Variants in NUPR2 observed in about 807,000 individuals in gnomAD.
The protein encoded by NUPR2 is nuclear protein 2.
Under a neutral mutation model 7.3 loss-of-function variants are expected in NUPR2, and 14 were observed. That is an observed-to-expected ratio of 1.93 (90% confidence interval 1.27 to 3.01). NUPR2 has a LOEUF of 3.01. Ranked by LOEUF, NUPR2 falls within the 30% of genes most tolerant of loss-of-function variation. NUPR2 has a pLI of 0.00. For missense variants in NUPR2, 162 were observed against 143.7 expected, an observed-to-expected ratio of 1.13 and a Z score of -0.65; for synonymous variants, 56 against 59.7, an observed-to-expected ratio of 0.94 and a Z score of 0.29.
intron 1 of NUPR2, among the ~76,000 whole-genome samples, chr7:56,115,429 T>TACATATATA (rs1554376538): frequency 9.7e-5 from 3 of 31,000 alleles, no homozygotes; most frequent in African/African-American, 2.9e-4. Context: ...ATATATATAT[T>TACATATATA]TGTGTGTGTG....
chr7:56,115,399 A>ATATATATATATATACATATGTG, intron 1 of NUPR2, among the ~76,000 whole-genome samples: 2 of 20,002 alleles, frequency 1.0e-4, no homozygotes, highest in Non-Finnish European at 1.6e-4. Flanking sequence ...GATCGCATAT[A>ATATATATATATATACATATGTG]TATATATATA....
intron 1 of NUPR2, among the ~76,000 whole-genome samples, chr7:56,115,435 G>GTATATATATATACATA (rs1306832660): frequency 3.1e-5 from 1 of 32,230 alleles, no homozygotes; most frequent in African/African-American, 1.6e-4. Flanking sequence ...ATATTTGTGT[G>GTATATATATATACATA]TGTGTGTGTG....
At chr7:56,115,434 TG>T (rs1785530534) in intron 1 of NUPR2, among the ~76,000 whole-genome samples, 4 of 31,810 alleles carry the variant, frequency 1.3e-4, no homozygotes, top group Non-Finnish European at 1.7e-4. Flanking sequence ...TATATTTGTG[TG>T]TGTGTGTGTG....
intron 1 of NUPR2, among the ~76,000 whole-genome samples, chr7:56,115,752 G>C (rs928417806): frequency 5.3e-5 from 8 of 150,848 alleles, no homozygotes; most frequent in Non-Finnish European, 8.8e-5. Context: ...TTACAGGTGT[G>C]AGCCACTGCA....
intron 1 of NUPR2, among the ~76,000 whole-genome samples, chr7:56,115,125 G>A (rs879444657): frequency 1.3e-5 from 2 of 151,838 alleles, no homozygotes; most frequent in Non-Finnish European, 2.9e-5. Flanking sequence ...TTATAGCGAC[G>A]TGGTTTCACC....
intron 1 of NUPR2, among the ~76,000 whole-genome samples, chr7:56,115,325 C>T (rs1176211616): frequency 6.9e-6 from 1 of 145,134 alleles, no homozygotes; most frequent in Non-Finnish European, 1.5e-5. Flanking sequence ...CCCTCTGTCA[C>T]CCAGGCTGGA....
In NUPR2 at chr7:56,115,417, A is replaced by ACACATATG. The variant is rs1562891787; in HGVS notation, c.*7-521_*7-520insCATATGTG. ...CGCATATATATATATATATATATAT[A>ACACATATG]TATATATATATTTGTGTGTGTGTGT... On this transcript the variant is annotated intron_variant, in intron 1 of 1. Transcript: ENST00000329309. Among the ~76,000 whole-genome samples, 68 of 21,356 alleles carry ACACATATG rather than the reference A, an allele frequency of 3.2e-3. 1 individual carries two copies. Among genetic ancestry groups the ACACATATG allele is most frequent in the East Asian group, 0.014 (5 of 348 alleles). 14.0% of individuals were successfully genotyped at this position (21,356 alleles called of 152,430 possible).
chr7:56,116,103 T>C lies in NUPR2; in HGVS notation c.212A>G (p.Lys71Arg). 1 of 1,539,570 alleles carries C rather than the reference T, an allele frequency of 6.5e-7. No individual in the cohort carries two copies. The highest frequency in any genetic ancestry group is 8.8e-7 in the Non-Finnish European group (1 of 1,142,402). ...GCCATTGAGGAGCTTCTGCGCGACC[T>C]TGCGCTCGTGCCCGCCAGGTGCAGG... is the stretch of plus-strand genomic sequence containing the variant. ...NWPAPGGHER[K>R]VAQKLLNGQR... The change falls in exon 1 of 2, where the codon AAG (lysine) becomes AGG (arginine). Residue 71 changes from lysine to arginine, a missense_variant. By Grantham distance (26) the Lys-to-Arg change is conservative (BLOSUM62 2). Transcript: ENST00000329309.
rs977226741 is a variant in NUPR2, at chr7:56,116,068, G to T, written c.247C>A (p.Arg83Ser). 1 of 1,509,052 alleles carries T rather than the reference G, an allele frequency of 6.6e-7. No homozygotes were observed. The highest frequency in any genetic ancestry group is 2.1e-5 in the Admixed American group (1 of 47,394). The allele number at this position is 1,509,052 out of a possible 1,614,324, so 93.5% of individuals were successfully genotyped here. ...TTGGGATGCAGCTGGCGCTGGCGGC[G>T]CTTGCGCTGGCCATTGAGGAGCTTC... is the stretch of plus-strand genomic sequence containing the variant. Reference protein sequence around the residue: ...AQKLLNGQRKRRQRQLHPKMR... With the variant: ...AQKLLNGQRKSRQRQLHPKMR... The change falls in exon 1 of 2, where the codon CGC (arginine) becomes AGC (serine). Residue 83 changes from arginine (R) to serine (S), a missense_variant. Transcript: ENST00000329309.
chr7:56,115,422 T>TATATAC lies in NUPR2; in HGVS notation c.*7-526_*7-525insGTATAT, dbSNP rs1554376516. 7.1e-3 allele frequency among the ~76,000 whole-genome samples: 393 copies of TATATAC among 55,278 alleles called. 25 individuals are homozygous for TATATAC. Among genetic ancestry groups the TATATAC allele is most frequent in the African/African-American group, 0.021 (217 of 10,478 alleles). 36.3% of individuals were successfully genotyped at this position (55,278 alleles called of 152,430 possible). ...ATATATATATATATATATATATATA[T>TATATAC]ATATATTTGTGTGTGTGTGTGTGTG... On this transcript the variant is annotated intron_variant, in intron 1 of 1. Transcript: ENST00000329309.
rs58684972 is a variant in NUPR2, at chr7:56,115,428, T to TACG, written c.*7-532_*7-531insCGT. On this transcript the variant is annotated intron_variant, in intron 1 of 1. Coordinates refer to ENST00000329309, the MANE Select transcript of NUPR2 (RefSeq NM_001145712.2). ...ATATATATATATATATATATATATA[T>TACG]TTGTGTGTGTGTGTGTGTGTGTGTG... Among the ~76,000 whole-genome samples, 4 of 45,926 alleles carry TACG rather than the reference T, an allele frequency of 8.7e-5. 1 individual carries two copies. The highest frequency in any genetic ancestry group is 1.6e-4 in the Non-Finnish European group (4 of 25,492). The allele number at this position is 45,926 out of a possible 152,430, so 30.1% of individuals were successfully genotyped here. A position where few individuals can be genotyped will look rare whatever the true frequency, so the allele number is the denominator to read the frequency against.
intron 1 of NUPR2, among the ~76,000 whole-genome samples, chr7:56,115,102 A>G (rs1785517891): frequency 6.6e-6 from 1 of 151,790 alleles, no homozygotes. Flanking sequence ...CGCCCAGCTT[A>G]TTTTTTGTAT....
intron 1 of NUPR2, among the ~76,000 whole-genome samples, chr7:56,115,476 TGA>T (rs1785533066): frequency 1.7e-5 from 2 of 116,864 alleles, no homozygotes; most frequent in African/African-American, 6.7e-5. Flanking sequence ...TGTGTGTGTG[TGA>T]CGGAGTCTCG....
intron 1 of NUPR2, 75 bp downstream of exon 1, chr7:56,115,940 A>T: frequency 2.3e-6 from 3 of 1,288,376 alleles, no homozygotes; most frequent in Non-Finnish European, 3.0e-6. Context: ...GCCCAGGGCG[A>T]GCAGCGCCGC....
chr7:56,116,071 T>C lies in NUPR2; in HGVS notation c.244A>G (p.Lys82Glu), dbSNP rs1785545628. The C allele has an allele frequency of 6.6e-7, 1 of 1,511,394 alleles. No individual in the cohort carries two copies. The highest frequency in any genetic ancestry group is 8.8e-7 in the Non-Finnish European group (1 of 1,130,662). The allele number at this position is 1,511,394 out of a possible 1,614,324, so 93.6% of individuals were successfully genotyped here. ...VAQKLLNGQRKRRQRQLHPKM... is the reference protein window; with the variant it reads ...VAQKLLNGQRERRQRQLHPKM... ...GGATGCAGCTGGCGCTGGCGGCGCT[T>C]GCGCTGGCCATTGAGGAGCTTCTGC... Residue 82 changes from lysine (K) to glutamate (E), a missense_variant, in exon 1 of 2, where the codon AAG becomes GAG. Lys to Glu is a moderately conservative substitution (Grantham distance 56, BLOSUM62 1). Transcript: ENST00000329309.
chr7:56,115,625 T>TTATATATATATATATATATATATATATA lies in NUPR2; in HGVS notation c.*6+389_*6+390insTATATATATATATATATATATATATATA, dbSNP rs57272607. On this transcript the variant is annotated intron_variant, in intron 1 of 1. Coordinates refer to ENST00000329309, the MANE Select transcript of NUPR2 (RefSeq NM_001145712.2). The stretch of plus-strand genomic sequence containing the variant: ...CGCGCACCACAGTGCCTGGCTAATT[T>TTATATATATATATATATATATATATATA]TATATATATATATATATATATATTT... Among the ~76,000 whole-genome samples, 70 of 105,180 alleles carry TTATATATATATATATATATATATATATA rather than the reference T, an allele frequency of 6.7e-4. 1 individual carries two copies. The highest frequency in any genetic ancestry group is 4.2e-3 in the Middle Eastern group (1 of 238). 69.0% of individuals were successfully genotyped at this position (105,180 alleles called of 152,430 possible). A position where few individuals can be genotyped will look rare whatever the true frequency, so the allele number is the denominator to read the frequency against.
At chr7:56,115,566 C>T (rs1785534074) in intron 1 of NUPR2, among the ~76,000 whole-genome samples, 1 of 141,378 alleles carries the variant, frequency 7.1e-6, no homozygotes, top group South Asian at 2.2e-4. Context: ...AGCCATTCCC[C>T]TGCTTCAGCC....
intron 1 of NUPR2, among the ~76,000 whole-genome samples, chr7:56,115,648 T>TATATATATATATATATAGGTATATATATA (rs1562892028): frequency 7.8e-6 from 1 of 128,340 alleles, no homozygotes; most frequent in African/African-American, 3.0e-5. Context: ...TATATATATA[T>TATATATATATATATATAGGTATATATATA]TTTAGTAGAG....
intron 1 of NUPR2, 95 bp downstream of exon 1, chr7:56,115,920 A>G: frequency 8.7e-7 from 1 of 1,150,516 alleles, no homozygotes; most frequent in Non-Finnish European, 1.2e-6. Context: ...CCTCAGAGGC[A>G]GCCGACTCTG....
Sources: gnomAD v4.1 joint callset for allele counts (sites outside exome capture counted in the v4.1 genomes callset) on GRCh38, gnomAD v4.1.1 for gene constraint, MANE v1.5 for transcripts, NCBI Gene and HGNC (gene_info 2026-07-23, HGNC 2026-07-21) for gene names.